Variants in LMF1 observed in about 807,000 individuals in gnomAD.
LMF1 encodes transmembrane protein 112.
Under a neutral mutation model 60.6 loss-of-function variants are expected in LMF1, and 68 were observed. The ratio of observed to expected loss-of-function variants is 1.12; its 90% CI spans 0.92 to 1.37. The LOEUF is 1.37. Ranked by LOEUF, LMF1 falls within the 40% of genes most tolerant of loss-of-function variation. The pLI, the probability that LMF1 is intolerant of heterozygous loss-of-function variation, is 0.00. For synonymous variants in LMF1, 418 were observed against 324.7 expected, an observed-to-expected ratio of 1.29 and a Z score of -3.09; for missense variants, 948 against 767.2, an observed-to-expected ratio of 1.24 and a Z score of -2.78.
chr16:914,809 C>CCCTT (rs2071235061), intron 3 of LMF1, among the ~76,000 whole-genome samples: 1 of 150,142 alleles, frequency 6.7e-6, no homozygotes, highest in African/African-American at 2.4e-5. Context: ...CTCCCTCCCT[C>CCCTT]CCTTCCCATG....
Position 897,649 on chromosome 16 carries a change from C to T in LMF1, c.664-4577G>A, listed in dbSNP as rs779098019. ...TGTTGCAACAGCCACTGCTTCTCCC[C>T]GAGTGCTCTGAGAGCTGGGGGTGGG... On this transcript the variant is annotated intron_variant, in intron 4 of 10. Transcript: ENST00000262301. This position sits in a 1 kb window ranked among gnomAD's most constrained non-coding sequence, Gnocchi z 4.3. Among the ~76,000 whole-genome samples, 22 of 152,320 alleles carry T rather than the reference C, an allele frequency of 1.4e-4. No individual in the cohort carries two copies. The highest frequency in any genetic ancestry group is 2.9e-4 in the Non-Finnish European group (20 of 68,028).
intron 10 of LMF1, chr16:856,024 A>C (rs1222655576): frequency 2.2e-6 from 1 of 453,390 alleles, no homozygotes; most frequent in Non-Finnish European, 4.4e-6. Context: ...GAAGACAGAG[A>C]CCCTCTGGGT....
intron 3 of LMF1, among the ~76,000 whole-genome samples, chr16:916,930 G>A (rs960322867): frequency 2.8e-4 from 42 of 152,232 alleles, no homozygotes; most frequent in African/African-American, 9.9e-4. Context: ...GCTCTGCACA[G>A]CCAGCTCTGG....
In LMF1 at chr16:874,078, G is replaced by T. The variant is rs1389477882; in HGVS notation, c.898-2737C>A. On this transcript the variant is annotated intron_variant, in intron 6 of 10. Transcript: ENST00000262301. This position sits in a 1 kb window ranked among gnomAD's most constrained non-coding sequence, Gnocchi z 4.1. The stretch of plus-strand genomic sequence containing the variant: ...GTCTCCTTTGCCGGGTGTGGGGGGG[G>T]TATGGGAAGTTCTGGAACCAGGCGG... Among the ~76,000 whole-genome samples, 1 of 152,236 alleles carries T rather than the reference G, an allele frequency of 6.6e-6. No individual in the cohort carries two copies. Among genetic ancestry groups the T allele is most frequent in the Non-Finnish European group, 1.5e-5 (1 of 68,036 alleles).
rs1279558055 is a variant in LMF1, at chr16:955,467, G to GCACACACA, written c.194-802_194-801insTGTGTGTG. Among the ~76,000 whole-genome samples the GCACACACA allele has an allele frequency of 1.2e-3, 114 of 94,248 alleles. 5 individuals are homozygous for GCACACACA. The highest frequency in any genetic ancestry group is 6.3e-3 in the East Asian group (21 of 3,344). The allele number at this position is 94,248 out of a possible 152,430, so 61.8% of individuals were successfully genotyped here. On this transcript the variant is annotated intron_variant, in intron 1 of 10. Transcript: ENST00000262301. ...CGTGCCTGCAGCAGACGCGGTGTGTGCATACACACACACACACATCTAAGT... is the reference window on the plus strand; with the variant it reads ...CGTGCCTGCAGCAGACGCGGTGTGTGCACACACACATACACACACACACACATCTAAGT...
Position 857,158 on chromosome 16 carries a change from C to T in LMF1, c.1530-2452G>A, listed in dbSNP as rs80089219. On this transcript the variant is annotated intron_variant, in intron 10 of 10. Transcript: ENST00000262301. ...GTGAGTGCACCCTAGTTTGTGCGGT[C>T]GCTCTCTTGTGGAAGGACAGCTGAG... is the stretch of plus-strand genomic sequence containing the variant. Among the ~76,000 whole-genome samples the T allele has an allele frequency of 3.9e-5, 6 of 152,340 alleles. No homozygotes were observed. In the South Asian group the frequency reaches 6.2e-4, roughly 16 times the overall value.
intron 1 of LMF1, among the ~76,000 whole-genome samples, chr16:964,286 ACT>A (rs1445918663): frequency 2.1e-5 from 3 of 142,508 alleles, no homozygotes; most frequent in Non-Finnish European, 4.5e-5. Context: ...AAAAAGTGAA[ACT>A]CTGTCTCAAA....
chr16:895,791 G>A (rs1475509901), intron 4 of LMF1, among the ~76,000 whole-genome samples: 1 of 152,206 alleles, frequency 6.6e-6, no homozygotes, highest in African/African-American at 2.4e-5. Context: ...TGTTCCTCAC[G>A]TCACGTGAGC....
Position 870,461 on chromosome 16 carries a change from C to T in LMF1, c.1232+268G>A, listed in dbSNP as rs574774878. 1.2e-4 allele frequency among the ~76,000 whole-genome samples: 18 copies of T among 152,334 alleles called. No individual in the cohort carries two copies. In the East Asian group the frequency reaches 1.9e-3, roughly 16 times the overall value. ...TTGGGGCCTGGTGGCCTCTCCCTTACGCCCCCAGTAGGCATTCCAGGGCCG... is the reference window on the plus strand; with the variant it reads ...TTGGGGCCTGGTGGCCTCTCCCTTATGCCCCCAGTAGGCATTCCAGGGCCG... On this transcript the variant is annotated intron_variant, in intron 8 of 10. Transcript: ENST00000262301.
At position 874,203 on chromosome 16, in the gene LMF1, C is replaced by G. The variant is rs560730021; in HGVS notation, c.898-2862G>C. Among the ~76,000 whole-genome samples the G allele has an allele frequency of 2.0e-5, 3 of 152,204 alleles. No homozygotes were observed. The highest frequency in any genetic ancestry group is 7.2e-5 in the African/African-American group (3 of 41,458). On this transcript the variant is annotated intron_variant, in intron 6 of 10. Coordinates refer to ENST00000262301, the MANE Select transcript of LMF1 (RefSeq NM_022773.4). This position sits in a 1 kb window ranked among gnomAD's most constrained non-coding sequence, Gnocchi z 4.1. The stretch of plus-strand genomic sequence containing the variant: ...GTTATCTGTGTTGTTTCATCACAAC[C>G]GAAACACAGCTAAGGGCCGGTGAGC...
At chr16:952,712 G>A in intron 2 of LMF1, 1 of 154,162 alleles carries the variant, frequency 6.5e-6, no homozygotes, top group Non-Finnish European at 1.5e-5. Context: ...GTCCCATTGA[G>A]GGCGGAACCA....
chr16:953,089 C>T (rs182619866), intron 2 of LMF1, among the ~76,000 whole-genome samples: 1 of 95,022 alleles, frequency 1.1e-5, no homozygotes, highest in Non-Finnish European at 2.1e-5. Context: ...AACCAGCCTC[C>T]TACACGTCCA....
intron 2 of LMF1, among the ~76,000 whole-genome samples, chr16:942,236 T>C (rs1452498823): frequency 6.6e-6 from 1 of 152,256 alleles, no homozygotes; most frequent in Admixed American, 6.5e-5. Flanking sequence ...CAGTCCATCA[T>C]CCTCTGGCCT....
upstream of LMF1, among the ~76,000 whole-genome samples, chr16:974,082 C>T (rs570999838): frequency 2.6e-5 from 4 of 152,274 alleles, no homozygotes; most frequent in Admixed American, 2.6e-4. Context: ...CAGAATCGCC[C>T]GGAAGGCGCT....
At chr16:934,801 G>C (rs1158396258) in intron 2 of LMF1, among the ~76,000 whole-genome samples, 2 of 152,222 alleles carry the variant, frequency 1.3e-5, no homozygotes, top group African/African-American at 2.4e-5. Context: ...AGAGGAGGCA[G>C]AGCCGCGGGA....
chr16:856,663 G>C (rs1296195511), intron 10 of LMF1, among the ~76,000 whole-genome samples: 1 of 152,194 alleles, frequency 6.6e-6, no homozygotes, highest in Non-Finnish European at 1.5e-5. Flanking sequence ...AAAGGGTTTT[G>C]GAAAGGGTCA....
At chr16:882,570 G>A (rs561031443) in intron 5 of LMF1, among the ~76,000 whole-genome samples, 1 of 152,232 alleles carries the variant, frequency 6.6e-6, no homozygotes, top group African/African-American at 2.4e-5. Flanking sequence ...CTGACACCAC[G>A]TGCAGCAGAA....
intron 4 of LMF1, among the ~76,000 whole-genome samples, chr16:906,519 G>A (rs4984968): frequency 0.27 from 41,416 of 152,050 alleles, 7,069 homozygotes; most frequent in African/African-American, 0.46. Flanking sequence ...TGGGACTCCA[G>A]GTTCTTCCGT....
In LMF1 at chr16:868,974, T is replaced by C. The variant is rs2069692819; in HGVS notation, c.1499A>G (p.His500Arg). The change falls in exon 10 of 11, where the codon CAC (histidine) becomes CGC (arginine). Residue 500 changes from histidine (H) to arginine (R), a missense_variant. Coordinates refer to ENST00000262301, the MANE Select transcript of LMF1 (RefSeq NM_022773.4). Reference protein sequence around the residue: ...SDAEALSLLAHNPFAGRPPPR... With the variant: ...SDAEALSLLARNPFAGRPPPR... ...CGGGGGCCTGCCCGCGAAGGGGTTG[T>C]GTGCCAGCAGGGACAAGGCCTCGGC... 6.2e-7 allele frequency: 1 copy of C among 1,612,092 alleles called. No individual in the cohort carries two copies.
Sources: gnomAD v4.1 joint callset for allele counts (sites outside exome capture counted in the v4.1 genomes callset) on GRCh38, gnomAD v4.1.1 for gene constraint, Gnocchi (gnomAD v3.1) non-coding constraint, MANE v1.5 for transcripts, NCBI Gene and HGNC (gene_info 2026-07-23, HGNC 2026-07-21) for gene names.